Variants in PARD3B observed in about 807,000 individuals in gnomAD.
PARD3B encodes partitioning defective 3 homolog B.
PARD3B carries 103 observed loss-of-function variants against 130.2 expected under a neutral mutation model. The ratio of observed to expected loss-of-function variants is 0.79; its 90% CI spans 0.67 to 0.93. The LOEUF (loss-of-function observed/expected upper bound fraction) is 0.93. PARD3B is among the 40% of genes least tolerant of loss of function. PARD3B has a pLI of 0.00. For missense variants in PARD3B, 1,609 were observed against 1,499.2 expected (o/e 1.07, Z -1.21); for synonymous variants, 583 against 553.2 (o/e 1.05, Z -0.76).
Position 205,615,772 on chromosome 2 carries a change from C to G in PARD3B, c.3577C>G (p.Gln1193Glu). The change falls in exon 23 of 23, where the codon CAG becomes GAG. Residue 1193 changes from glutamine to glutamate, a missense_variant. Physicochemically the swap from Gln to Glu is conservative, Grantham distance 29. Transcript: ENST00000406610. ...GSPDQYPYRT[Q>E]DSRQKNPMTA... is the part of the protein sequence containing the mutation. Reference sequence around the variant, plus strand: ...CCCAGACCAGTACCCTTACCGAACCCAGGATTCCCGGCAGAAGAACCCCAT... The same window carrying G: ...CCCAGACCAGTACCCTTACCGAACCGAGGATTCCCGGCAGAAGAACCCCAT... 2 of 1,613,974 alleles carry G rather than the reference C, an allele frequency of 1.2e-6. No individual in the cohort carries two copies. Among genetic ancestry groups the G allele is most frequent in the Non-Finnish European group, 1.7e-6 (2 of 1,179,924 alleles).
In PARD3B at chr2:204,855,619, A is replaced by G. The variant is rs971248803; in HGVS notation, c.223-109533A>G. Among the ~76,000 whole-genome samples the G allele has an allele frequency of 3.8e-4, 58 of 151,706 alleles. 1 individual carries two copies. The highest frequency in any genetic ancestry group is 2.1e-4 in the Non-Finnish European group (14 of 67,916). ...TACATTATTACTAACTGTGGTCACCATGCAGTGCAGTAGATCATTAAAACT... is the reference window on the plus strand; with the variant it reads ...TACATTATTACTAACTGTGGTCACCGTGCAGTGCAGTAGATCATTAAAACT... On this transcript the variant is annotated intron_variant, in intron 2 of 22. Coordinates refer to ENST00000406610, the MANE Select transcript of PARD3B (RefSeq NM_001302769.2).
chr2:205,570,112 A>G (rs2053508092), intron 22 of PARD3B, among the ~76,000 whole-genome samples: 1 of 152,218 alleles, frequency 6.6e-6, no homozygotes, highest in Admixed American at 6.5e-5. Flanking sequence ...GGCTAAGCCG[A>G]AAGGAACTAT....
chr2:204,549,244 G>T (rs1031098604), intron 1 of PARD3B, among the ~76,000 whole-genome samples: 15 of 152,144 alleles, frequency 9.9e-5, no homozygotes, highest in African/African-American at 3.1e-4. Flanking sequence ...CATTGGAAAC[G>T]TGGTGGACTG....
At chr2:204,875,086 T>G (rs1444500253) in intron 2 of PARD3B, among the ~76,000 whole-genome samples, 1 of 152,190 alleles carries the variant, frequency 6.6e-6, no homozygotes, top group Admixed American at 6.6e-5. Context: ...ATCAAGGTTT[T>G]CAACAATTTT....
intron 15 of PARD3B, among the ~76,000 whole-genome samples, chr2:205,198,868 A>G (rs2125820618): frequency 6.6e-6 from 1 of 151,992 alleles, no homozygotes; most frequent in Admixed American, 6.6e-5. Context: ...ATATTTTACT[A>G]TTTTTATTTA....
chr2:205,163,450 T>A (rs1286466339), intron 11 of PARD3B, among the ~76,000 whole-genome samples: 2 of 152,194 alleles, frequency 1.3e-5, no homozygotes, highest in Non-Finnish European at 2.9e-5. Flanking sequence ...TAGACATAAT[T>A]GAAGTAATTT....
At chr2:205,040,675 A>G (rs958998254) in intron 3 of PARD3B, among the ~76,000 whole-genome samples, 2 of 152,220 alleles carry the variant, frequency 1.3e-5, no homozygotes, top group African/African-American at 2.4e-5. Context: ...CTAATTTGCA[A>G]GAACTTTAGC....
At chr2:204,705,772 G>A (rs973264404) in intron 2 of PARD3B, among the ~76,000 whole-genome samples, 5 of 152,184 alleles carry the variant, frequency 3.3e-5, no homozygotes, top group Non-Finnish European at 5.9e-5. Context: ...TGAACAAGCA[G>A]TCCAAAGCAG....
rs2046452691 is a variant in PARD3B, at chr2:205,407,564, A to G, written c.2741+6441A>G. Among the ~76,000 whole-genome samples the G allele has an allele frequency of 6.6e-6, 1 of 152,216 alleles. No individual in the cohort carries two copies. Among genetic ancestry groups the G allele is most frequent in the Admixed American group, 6.5e-5 (1 of 15,280 alleles). ...GACCTAAGTTTGTAACCTTTTACAA[A>G]GTATGAAATTAATCAGAATCTTGGA... is the stretch of plus-strand genomic sequence containing the variant. On this transcript the variant is annotated intron_variant, in intron 19 of 22. Transcript: ENST00000406610. The surrounding 1 kb of genome is among the most constrained non-coding windows in gnomAD (Gnocchi z 4.1).
At chr2:205,494,614 C>G (rs1226669909) in intron 20 of PARD3B, among the ~76,000 whole-genome samples, 4 of 152,152 alleles carry the variant, frequency 2.6e-5, no homozygotes, top group Non-Finnish European at 5.9e-5. Context: ...TTGGTTACTT[C>G]TATTTTTATT....
intron 20 of PARD3B, among the ~76,000 whole-genome samples, chr2:205,468,511 G>T (rs1342614388): frequency 6.6e-6 from 1 of 152,190 alleles, no homozygotes. Context: ...GACTATTGCT[G>T]CTGTTTTATA....
chr2:205,412,496 A>G (rs1422889414), intron 19 of PARD3B, among the ~76,000 whole-genome samples: 1 of 152,238 alleles, frequency 6.6e-6, no homozygotes, highest in Non-Finnish European at 1.5e-5. Context: ...AAATTATGAC[A>G]GGTTGGAGAT....
chr2:205,326,455 T>A (rs2042943378), intron 18 of PARD3B, among the ~76,000 whole-genome samples: 1 of 152,156 alleles, frequency 6.6e-6, no homozygotes, highest in African/African-American at 2.4e-5. Context: ...TAGGGCATCA[T>A]TGCCTGGAAA....
chr2:205,326,292 G>C (rs2042936606), intron 18 of PARD3B, among the ~76,000 whole-genome samples: 1 of 152,218 alleles, frequency 6.6e-6, no homozygotes, highest in Non-Finnish European at 1.5e-5. Flanking sequence ...TATTCTGCCA[G>C]TGTACTTAGA....
rs143584777 is a variant in PARD3B, at chr2:204,776,962, C to T, written c.222+90680C>T. ...AAAGAGAAGTGAGTAGATAGCAATG[C>T]CTCTGTGAGAACAAGAAGGAAGCCA... On this transcript the variant is annotated intron_variant, in intron 2 of 22. Coordinates refer to ENST00000406610, the MANE Select transcript of PARD3B (RefSeq NM_001302769.2). Among the ~76,000 whole-genome samples the T allele has an allele frequency of 3.8e-3, 584 of 152,000 alleles. 9 individuals are homozygous for T. Among genetic ancestry groups the T allele is most frequent in the East Asian group, 7.0e-3 (36 of 5,118 alleles).
intron 15 of PARD3B, among the ~76,000 whole-genome samples, chr2:205,236,757 C>G (rs1353315966): frequency 1.3e-5 from 2 of 152,122 alleles, no homozygotes; most frequent in Non-Finnish European, 2.9e-5. Flanking sequence ...AAAAGCATAA[C>G]CATATGATCA....
chr2:204,566,780 A>G (rs941115467), intron 1 of PARD3B, among the ~76,000 whole-genome samples: 4 of 151,798 alleles, frequency 2.6e-5, no homozygotes, highest in Non-Finnish European at 5.9e-5. Flanking sequence ...CTTCCCTTCC[A>G]TGGATCAGAG....
At chr2:204,551,676 T>C (rs550626603) in intron 1 of PARD3B, among the ~76,000 whole-genome samples, 8 of 152,288 alleles carry the variant, frequency 5.3e-5, no homozygotes, top group South Asian at 2.1e-4. Flanking sequence ...CTGTGCGCGA[T>C]TGGGAGCCAC....
intron 3 of PARD3B, among the ~76,000 whole-genome samples, chr2:205,003,651 C>T (rs1019460302): frequency 3.9e-5 from 6 of 152,204 alleles, no homozygotes; most frequent in Non-Finnish European, 8.8e-5. Context: ...ACATAGGAAA[C>T]AGTTTATTTT....
Sources: allele counts gnomAD v4.1 joint callset (sites outside exome capture counted in the v4.1 genomes callset), GRCh38; gene constraint gnomAD v4.1.1; non-coding constraint Gnocchi (gnomAD v3.1); transcripts MANE v1.5; gene names NCBI Gene and HGNC (gene_info 2026-07-23, HGNC 2026-07-21).